ASAP1: variants seen among roughly 807,000 people sequenced by gnomAD.
ASAP1 encodes arf-GAP with SH3 domain, ANK repeat and PH domain-containing protein 1.
ASAP1 carries 43 observed loss-of-function variants against 145.2 expected under a neutral mutation model. That is an observed-to-expected ratio of 0.30 (90% CI 0.23 to 0.38). The LOEUF is 0.38. Among genes scored for constraint, ASAP1 ranks in the 10% least tolerant of loss-of-function variants. The pLI, the probability that ASAP1 is intolerant of heterozygous loss-of-function variation, is 1.00. For missense variants in ASAP1, 1,018 were observed against 1,355.3 expected (o/e 0.75, Z 3.91); for synonymous variants, 546 against 515.5 (o/e 1.06, Z -0.80).
intron 1 of ASAP1, among the ~76,000 whole-genome samples, chr8:130,408,025 T>C (rs1829110065): frequency 6.6e-6 from 1 of 152,208 alleles, no homozygotes. Context: ...AATATATTTT[T>C]GTGATACGAT....
chr8:130,432,550 G>T (rs12707941), intron 1 of ASAP1, among the ~76,000 whole-genome samples: 83,792 of 151,794 alleles, frequency 0.55, 23,595 homozygotes, highest in South Asian at 0.68. Context: ...ACAAATAACA[G>T]AAAACTCCCA....
At chr8:130,145,000 T>C (rs1168260098) in intron 13 of ASAP1, among the ~76,000 whole-genome samples, 1 of 152,158 alleles carries the variant, frequency 6.6e-6, no homozygotes, top group Admixed American at 6.5e-5. Context: ...AAACAATCAA[T>C]GCTACAATGC....
At chr8:130,333,852 C>T (rs1824857315) in intron 3 of ASAP1, among the ~76,000 whole-genome samples, 1 of 152,188 alleles carries the variant, frequency 6.6e-6, no homozygotes, top group Admixed American at 6.5e-5. Context: ...CCATGCCTAT[C>T]CCCCAGAAGC....
chr8:130,103,748 A>G (rs978058018), intron 24 of ASAP1, among the ~76,000 whole-genome samples: 1 of 152,142 alleles, frequency 6.6e-6, no homozygotes, highest in East Asian at 1.9e-4. Flanking sequence ...GACCTCCCTC[A>G]GGTGATCCAC....
At chr8:130,066,914 C>G (rs919321418) in intron 27 of ASAP1, among the ~76,000 whole-genome samples, 1 of 152,146 alleles carries the variant, frequency 6.6e-6, no homozygotes, top group African/African-American at 2.4e-5. Flanking sequence ...GGGTACAGGC[C>G]CTTTCCCAAA....
At chr8:130,142,685 C>G (rs2097615063) in intron 13 of ASAP1, among the ~76,000 whole-genome samples, 1 of 152,160 alleles carries the variant, frequency 6.6e-6, no homozygotes, top group Non-Finnish European at 1.5e-5. Flanking sequence ...GGAATATGGA[C>G]AAACTGGGAA....
At chr8:130,265,250 A>G (rs1269164722) in intron 3 of ASAP1, among the ~76,000 whole-genome samples, 1 of 152,148 alleles carries the variant, frequency 6.6e-6, no homozygotes, top group Non-Finnish European at 1.5e-5. Flanking sequence ...AGGGTGTCCC[A>G]TCATACTTTC....
intron 8 of ASAP1, among the ~76,000 whole-genome samples, chr8:130,180,180 C>A (rs1027253988): frequency 1.3e-5 from 2 of 152,042 alleles, no homozygotes; most frequent in African/African-American, 4.8e-5. Flanking sequence ...TGACAAAGTT[C>A]TCCACTTTAA....
chr8:130,229,112 A>G (rs148799293), intron 4 of ASAP1, among the ~76,000 whole-genome samples: 46 of 152,330 alleles, frequency 3.0e-4, no homozygotes, highest in African/African-American at 1.1e-3. Context: ...ACTGATTATC[A>G]ATGAAAACCA....
At chr8:130,106,412 T>C (rs4639572) in intron 24 of ASAP1, among the ~76,000 whole-genome samples, 8,635 of 152,282 alleles carry the variant, frequency 0.057, 328 homozygotes, top group Non-Finnish European at 0.082. Context: ...GGTGCTGTCA[T>C]ATACTGAGCA....
intron 11 of ASAP1, among the ~76,000 whole-genome samples, chr8:130,160,364 C>T (rs2097666543): frequency 6.6e-6 from 1 of 152,224 alleles, no homozygotes; most frequent in African/African-American, 2.4e-5. Flanking sequence ...CAAACATGTT[C>T]TTCCCTTAGG....
At chr8:130,313,858 C>A (rs775595609) in intron 3 of ASAP1, among the ~76,000 whole-genome samples, 3 of 152,230 alleles carry the variant, frequency 2.0e-5, no homozygotes, top group Non-Finnish European at 4.4e-5. Context: ...AAAGCAGCAG[C>A]CTGTCTGCAG....
intron 4 of ASAP1, among the ~76,000 whole-genome samples, chr8:130,220,009 C>T (rs1330305564): frequency 6.6e-6 from 1 of 152,112 alleles, no homozygotes; most frequent in Non-Finnish European, 1.5e-5. Context: ...GGCTCGTCTC[C>T]AACTCCTGGG....
chr8:130,178,981 T>C, intron 9 of ASAP1: 1 of 254,470 alleles, frequency 3.9e-6, no homozygotes, highest in Non-Finnish European at 7.5e-6. Context: ...ATCATGCATC[T>C]GTAATAAGAG....
chr8:130,060,458 C>A, intron 28 of ASAP1, 121 bp downstream of exon 28: 1 of 1,322,034 alleles, frequency 7.6e-7, no homozygotes, highest in Non-Finnish European at 1.0e-6. Context: ...TGAACCAGAG[C>A]ACATAAGGGT....
At chr8:130,338,502 C>T (rs189070950) in intron 3 of ASAP1, among the ~76,000 whole-genome samples, 148 of 152,306 alleles carry the variant, frequency 9.7e-4, no homozygotes, top group Middle Eastern at 3.4e-3. Flanking sequence ...GAACATTATC[C>T]TGACTACTCC....
intron 24 of ASAP1, among the ~76,000 whole-genome samples, chr8:130,111,545 T>C (rs2097546922): frequency 6.6e-6 from 1 of 152,316 alleles, no homozygotes; most frequent in East Asian, 1.9e-4. Context: ...ACCTACCTCA[T>C]TTTGAGATGA....
intron 3 of ASAP1, among the ~76,000 whole-genome samples, chr8:130,318,345 G>C (rs1823793451): frequency 1.3e-5 from 2 of 152,152 alleles, no homozygotes; most frequent in African/African-American, 4.8e-5. Context: ...GCCTCCCAAA[G>C]TGTTGGGATT....
At chr8:130,093,760 C>T (rs1404541773) in intron 24 of ASAP1, among the ~76,000 whole-genome samples, 1 of 149,774 alleles carries the variant, frequency 6.7e-6, no homozygotes, top group African/African-American at 2.5e-5. Context: ...CAGAAGGGCT[C>T]CAAAAGAGCT....
Sources: gnomAD v4.1 joint callset for allele counts (sites outside exome capture counted in the v4.1 genomes callset) on GRCh38, gnomAD v4.1.1 for gene constraint, MANE v1.5 for transcripts, NCBI Gene and HGNC (gene_info 2026-07-23, HGNC 2026-07-21) for gene names.